TBC1D22A: variants seen among roughly 807,000 people sequenced by gnomAD.
TBC1D22A encodes putative GTPase activator.
TBC1D22A carries 38 observed loss-of-function variants against 60.2 expected under a neutral mutation model. The observed-to-expected ratio is 0.63, with a 90% CI of 0.49 to 0.83. The LOEUF (loss-of-function observed/expected upper bound fraction) is 0.83, where lower values mean the gene tolerates loss of function less well. Ranked by LOEUF, TBC1D22A falls within the 40% of genes least tolerant of loss-of-function variation. The pLI is 0.00. For missense variants in TBC1D22A, 628 were observed against 701.0 expected (o/e 0.90, Z 1.18); for synonymous variants, 302 against 281.7 (o/e 1.07, Z -0.72).
chr22:47,007,532 G>A (rs538757847), intron 10 of TBC1D22A, among the ~76,000 whole-genome samples: 1 of 152,324 alleles, frequency 6.6e-6, no homozygotes, highest in South Asian at 2.1e-4. Flanking sequence ...GTGGCTTAAA[G>A]CACAGTTTAC....
At chr22:47,090,928 C>G (rs1481046426) in intron 11 of TBC1D22A, among the ~76,000 whole-genome samples, 2 of 55,810 alleles carry the variant, frequency 3.6e-5, no homozygotes, top group Non-Finnish European at 6.9e-5. Context: ...TGTGGCCTCA[C>G]GGAGGGGGTG....
chr22:46,808,740 A>G (rs918537849), intron 4 of TBC1D22A, among the ~76,000 whole-genome samples: 1 of 152,110 alleles, frequency 6.6e-6, no homozygotes, highest in African/African-American at 2.4e-5. Context: ...GACTACAGGC[A>G]CCTGCCACCA....
At chr22:46,795,407 G>A (rs1203874379) in intron 3 of TBC1D22A, among the ~76,000 whole-genome samples, 1 of 152,226 alleles carries the variant, frequency 6.6e-6, no homozygotes, top group Admixed American at 6.5e-5. Context: ...TGGGGGATCT[G>A]ACAAGAGGCA....
At chr22:47,162,334 T>C (rs5005650) in intron 12 of TBC1D22A, among the ~76,000 whole-genome samples, 59,354 of 151,742 alleles carry the variant, frequency 0.39, 13,095 homozygotes, top group East Asian at 0.68. Flanking sequence ...CCTGGTGCTG[T>C]CATGTTTTCA....
intron 4 of TBC1D22A, among the ~76,000 whole-genome samples, chr22:46,861,661 G>A (rs2087894682): frequency 6.6e-6 from 1 of 152,226 alleles, no homozygotes; most frequent in Admixed American, 6.5e-5. Flanking sequence ...CTCCCAGGAG[G>A]GGGAGGAGGG....
At chr22:47,091,948 C>G (rs189427293) in intron 11 of TBC1D22A, among the ~76,000 whole-genome samples, 2 of 152,210 alleles carry the variant, frequency 1.3e-5, no homozygotes, top group Admixed American at 6.5e-5. Context: ...ATCTCTAATT[C>G]TTACCATCAT....
chr22:47,103,279 C>T (rs2065493442), intron 11 of TBC1D22A, among the ~76,000 whole-genome samples: 1 of 152,142 alleles, frequency 6.6e-6, no homozygotes. Flanking sequence ...CACACTGGAC[C>T]ATGACAGTGT....
intron 10 of TBC1D22A, among the ~76,000 whole-genome samples, chr22:47,024,168 A>T (rs1294967530): frequency 6.6e-6 from 1 of 152,344 alleles, no homozygotes; most frequent in Admixed American, 6.5e-5. Flanking sequence ...TAAGGCAGGG[A>T]CACATACCAT....
At chr22:46,809,017 C>T (rs2085272268) in intron 4 of TBC1D22A, among the ~76,000 whole-genome samples, 1 of 152,206 alleles carries the variant, frequency 6.6e-6, no homozygotes, top group South Asian at 2.1e-4. Context: ...TGTAGATTAT[C>T]TTAGGGTAAG....
rs1569208474 is a variant in TBC1D22A, at chr22:46,909,761, TG to T, written c.901-2312del. On this transcript the variant is annotated intron_variant, in intron 7 of 12. Transcript: ENST00000337137. ...CTTGCTGGTGAGTGGACCTAAGGGC[TG>T]TTGAGCTGGACCCGTGCCCCGTGCC... Among the ~76,000 whole-genome samples the T allele has an allele frequency of 2.0e-5, 3 of 152,270 alleles. No individual in the cohort carries two copies. The South Asian group carries it at 6.2e-4, about 32-fold the overall frequency.
chr22:46,896,347 G>T (rs2147642869), intron 7 of TBC1D22A, among the ~76,000 whole-genome samples: 1 of 152,264 alleles, frequency 6.6e-6, no homozygotes, highest in African/African-American at 2.4e-5. Flanking sequence ...TTGATGATCA[G>T]AAGTTGTTAG....
chr22:47,033,582 C>T (rs1304830179), intron 10 of TBC1D22A, among the ~76,000 whole-genome samples: 1 of 152,158 alleles, frequency 6.6e-6, no homozygotes, highest in African/African-American at 2.4e-5. Context: ...GCACCCTGAG[C>T]ACTTATGCCC....
At chr22:47,155,321 C>T (rs988613256) in intron 12 of TBC1D22A, among the ~76,000 whole-genome samples, 2 of 152,228 alleles carry the variant, frequency 1.3e-5, no homozygotes, top group African/African-American at 4.8e-5. Context: ...GGGCTGTCCT[C>T]CCGGCGGGCT....
At chr22:46,934,683 G>A (rs1039442163) in intron 8 of TBC1D22A, among the ~76,000 whole-genome samples, 1 of 152,218 alleles carries the variant, frequency 6.6e-6, no homozygotes, top group Admixed American at 6.5e-5. Flanking sequence ...CCGGGGACAC[G>A]TCACCCACTT....
intron 11 of TBC1D22A, among the ~76,000 whole-genome samples, chr22:47,066,954 G>C (rs1407928896): frequency 6.6e-6 from 1 of 152,088 alleles, no homozygotes; most frequent in African/African-American, 2.4e-5. Context: ...TGGTTTGCCC[G>C]ATACCAGTCC....
At chr22:46,921,743 CA>C (rs1395358184) in intron 8 of TBC1D22A, among the ~76,000 whole-genome samples, 1 of 151,730 alleles carries the variant, frequency 6.6e-6, no homozygotes, top group African/African-American at 2.4e-5. Flanking sequence ...ACAACCTCCA[CA>C]GCATCTGTTT....
At chr22:46,793,110 A>T (rs1207973560) in intron 2 of TBC1D22A, among the ~76,000 whole-genome samples, 6 of 152,242 alleles carry the variant, frequency 3.9e-5, no homozygotes, top group African/African-American at 1.4e-4. Context: ...CATGTCTTCA[A>T]ATCCATATAC....
intron 9 of TBC1D22A, among the ~76,000 whole-genome samples, chr22:46,995,198 C>A (rs984358885): frequency 1.3e-5 from 2 of 152,196 alleles, no homozygotes; most frequent in Admixed American, 1.3e-4. Flanking sequence ...GAGATCCTCT[C>A]CCCGGAGCCC....
At chr22:46,922,916 C>A (rs954617595) in intron 8 of TBC1D22A, among the ~76,000 whole-genome samples, 2 of 152,084 alleles carry the variant, frequency 1.3e-5, no homozygotes, top group Non-Finnish European at 2.9e-5. Context: ...CCTTTTATTT[C>A]TTTCTGTTGC....
Sources: allele counts gnomAD v4.1 joint callset (sites outside exome capture counted in the v4.1 genomes callset), GRCh38; gene constraint gnomAD v4.1.1; transcripts MANE v1.5; gene names NCBI Gene and HGNC (gene_info 2026-07-23, HGNC 2026-07-21).